MAOB: variants seen among roughly 807,000 people sequenced by gnomAD.
The protein encoded by MAOB is monoamine oxidase B.
A neutral mutation model predicts 41.9 loss-of-function variants in MAOB; 15 were observed. The observed-to-expected ratio is 0.36, with a 90% confidence interval of 0.24 to 0.55. The LOEUF (loss-of-function observed/expected upper bound fraction) is 0.55. MAOB is among the 20% of genes least tolerant of loss of function. The pLI is 0.86. For synonymous variants in MAOB, 167 were observed against 144.2 expected (o/e 1.16, Z -1.13); for missense variants, 345 against 398.7 (o/e 0.87, Z 1.15).
At chrX:43,827,915 C>T (rs746923760) in intron 3 of MAOB, among the ~76,000 whole-genome samples, 9 of 111,902 alleles carry the variant, frequency 8.0e-5, no homozygotes, top group Non-Finnish European at 1.3e-4. Flanking sequence ...GAAACCTTAG[C>T]TCCAGCCTGG....
Position 43,767,561 on chromosome X carries a change from G to A in MAOB, c.1468C>T (p.Pro490Ser). The A allele has an allele frequency of 8.3e-7, 1 of 1,210,047 alleles. No individual in the cohort carries two copies. Among genetic ancestry groups the A allele is most frequent in the Non-Finnish European group, 1.1e-6 (1 of 894,519 alleles). The change falls in exon 15 of 15, where the codon CCA becomes TCA. Residue 490 changes from proline to serine, a missense_variant. By Grantham distance (74) the Pro-to-Ser change is moderately conservative. Coordinates refer to ENST00000378069, the MANE Select transcript of MAOB (RefSeq NM_000898.5). ...TFLERHLPSV[P>S]GLLRLIGLTT... ...AATCCAATCAGCCTGAGCAGGCCTG[G>A]CACGGAGGGCAAATGTCTCTCCAAA...
At chrX:43,830,787 T>C (rs1160507003) in intron 3 of MAOB, among the ~76,000 whole-genome samples, 1 of 112,097 alleles carries the variant, frequency 8.9e-6, no homozygotes, top group Non-Finnish European at 1.9e-5. Context: ...AGAAACTCTA[T>C]CCTTCCTATC....
chrX:43,836,391 G>A (rs1340524163), intron 3 of MAOB, among the ~76,000 whole-genome samples: 2 of 112,425 alleles, frequency 1.8e-5, no homozygotes, highest in Admixed American at 9.4e-5. Context: ...TCGTCATTAT[G>A]TATTATCATG....
In MAOB at chrX:43,808,699, G is replaced by C. The variant is rs7472854; in HGVS notation, c.280-5295C>G. ...ATATCTATATCTATATCTACACATA[G>C]ACACACACACACACACACACACACA... On this transcript the variant is annotated intron_variant, in intron 3 of 14. Transcript: ENST00000378069. 1.5e-3 allele frequency among the ~76,000 whole-genome samples: 129 copies of C among 87,627 alleles called. 2 individuals are homozygous for C. The highest frequency in any genetic ancestry group is 3.7e-3 in the South Asian group (7 of 1,871). The allele number at this position is 87,627 out of a possible 115,157, so 76.1% of individuals were successfully genotyped here.
rs28421767 is a variant in MAOB, at chrX:43,845,823, C to T, written c.47-2059G>A. On this transcript the variant is annotated intron_variant, in intron 1 of 14. Coordinates refer to ENST00000378069, the MANE Select transcript of MAOB (RefSeq NM_000898.5). ...AATGAAAAGCCAAGGCTTTAGTCAC[C>T]GTCTATCAGTGATCTTAAAGGAGGA... is the stretch of plus-strand genomic sequence containing the variant. Among the ~76,000 whole-genome samples the T allele has an allele frequency of 5.6e-3, 627 of 112,192 alleles. 3 individuals are homozygous for T. Among genetic ancestry groups the T allele is most frequent in the African/African-American group, 0.019 (594 of 30,946 alleles).
At chrX:43,825,508 C>A (rs931625481) in intron 3 of MAOB, among the ~76,000 whole-genome samples, 2 of 111,186 alleles carry the variant, frequency 1.8e-5, no homozygotes, top group East Asian at 2.8e-4. Context: ...TTGGATCCCA[C>A]CCTCTCACAT....
chrX:43,840,780 G>A (rs904440763), intron 2 of MAOB, among the ~76,000 whole-genome samples: 2 of 111,274 alleles, frequency 1.8e-5, no homozygotes, highest in Non-Finnish European at 3.8e-5. Context: ...CTTTTCTCAT[G>A]GTCTTCACAA....
At position 43,793,447 on chromosome X, in the gene MAOB, A is replaced by G; in HGVS notation, c.900T>C (p.Tyr300=). 8.3e-7 allele frequency: 1 copy of G among 1,201,835 alleles called. No homozygotes were observed. Among genetic ancestry groups the G allele is most frequent in the East Asian group, 3.0e-5 (1 of 33,487 alleles). Residue 300 remains tyrosine (Y), a synonymous_variant, in exon 8 of 15, where the codon TAT becomes TAC. Coordinates refer to ENST00000378069, the MANE Select transcript of MAOB (RefSeq NM_000898.5). Reference sequence around the variant, plus strand: ...TTTTCCTCCAGAAAGGCTCTTTATAATAAACTATACACTTGATGACTGAAC... The same window carrying G: ...TTTTCCTCCAGAAAGGCTCTTTATAGTAAACTATACACTTGATGACTGAAC... ...PLGSVIKCIV[Y]YKEPFWRKKD...
Position 43,767,637 on chromosome X carries a change from G to C in MAOB, c.1411-19C>G. On this transcript the variant is annotated intron_variant, in intron 14 of 14. Coordinates refer to ENST00000378069, the MANE Select transcript of MAOB (RefSeq NM_000898.5). ...GGACATCCTAGGTTCAGAAAACATTGGGTATTAGTACAGGGCTTGTGCACT... is the reference window on the plus strand; with the variant it reads ...GGACATCCTAGGTTCAGAAAACATTCGGTATTAGTACAGGGCTTGTGCACT... 2 of 1,197,851 alleles carry C rather than the reference G, an allele frequency of 1.7e-6. No homozygotes were observed. Among genetic ancestry groups the C allele is most frequent in the Non-Finnish European group, 2.3e-6 (2 of 885,871 alleles).
intron 8 of MAOB, among the ~76,000 whole-genome samples, chrX:43,788,745 T>C (rs1363829038): frequency 9.0e-6 from 1 of 111,601 alleles, no homozygotes; most frequent in Admixed American, 9.6e-5. Flanking sequence ...GTGATATGTA[T>C]GATGTATGTT....
At chrX:43,864,305 ACATT>A (rs2035351652) in intron 1 of MAOB, among the ~76,000 whole-genome samples, 1 of 111,562 alleles carries the variant, frequency 9.0e-6, no homozygotes, top group East Asian at 2.8e-4. Context: ...ATACATACAT[ACATT>A]ATCTGTATAC....
At chrX:43,800,319 A>G (rs2034576863) in intron 5 of MAOB, among the ~76,000 whole-genome samples, 1 of 111,475 alleles carries the variant, frequency 9.0e-6, no homozygotes, top group African/African-American at 3.3e-5. Flanking sequence ...AAAGCTTTTC[A>G]TAACAGGAGT....
intron 1 of MAOB, among the ~76,000 whole-genome samples, chrX:43,856,484 C>T (rs1240362747): frequency 9.0e-6 from 1 of 111,696 alleles, no homozygotes; most frequent in East Asian, 2.8e-4. Context: ...CTATAGTTGA[C>T]GCTTGAACAA....
chrX:43,771,594 C>T (rs1416864614), intron 12 of MAOB, among the ~76,000 whole-genome samples: 1 of 110,107 alleles, frequency 9.1e-6, no homozygotes, highest in Admixed American at 9.7e-5. Flanking sequence ...TGACTTTCCC[C>T]GTGTTGATTA....
chrX:43,785,269 C>T (rs2034385031), intron 8 of MAOB, among the ~76,000 whole-genome samples: 1 of 113,026 alleles, frequency 8.8e-6, no homozygotes, highest in East Asian at 2.8e-4. Context: ...TCACCTTGCA[C>T]TTTTATGTTA....
intron 3 of MAOB, among the ~76,000 whole-genome samples, chrX:43,828,758 C>T (rs1477393433): frequency 1.8e-5 from 2 of 111,515 alleles, no homozygotes; most frequent in African/African-American, 6.5e-5. Flanking sequence ...GTTAAAGCCC[C>T]CACTCCATCA....
chrX:43,830,992 T>G (rs2035012422), intron 3 of MAOB, among the ~76,000 whole-genome samples: 2 of 59,673 alleles, frequency 3.4e-5, no homozygotes, highest in African/African-American at 1.3e-4. Flanking sequence ...GGTCAATGAT[T>G]AAGTGTGTGT....
At chrX:43,780,605 G>A (rs759034014) in intron 9 of MAOB, among the ~76,000 whole-genome samples, 4 of 111,928 alleles carry the variant, frequency 3.6e-5, no homozygotes, top group African/African-American at 6.5e-5. Context: ...GGAATCAAGC[G>A]ACTAAAAGTA....
chrX:43,839,925 T>C (rs1366948060), intron 2 of MAOB, among the ~76,000 whole-genome samples: 2 of 112,251 alleles, frequency 1.8e-5, no homozygotes, highest in African/African-American at 6.5e-5. Context: ...CAAAACCTTG[T>C]AAAGCAACAT....
Sources: allele counts gnomAD v4.1 joint callset (sites outside exome capture counted in the v4.1 genomes callset), GRCh38; gene constraint gnomAD v4.1.1; transcripts MANE v1.5; gene names NCBI Gene and HGNC (gene_info 2026-07-23, HGNC 2026-07-21).